CSGALNACT1: variants seen among roughly 807,000 people sequenced by gnomAD.
The protein encoded by CSGALNACT1 is beta4GalNAcT-1.
Under a neutral mutation model 51.0 loss-of-function variants are expected in CSGALNACT1, and 52 were observed. The ratio of observed to expected loss-of-function variants is 1.02; its 90% CI spans 0.82 to 1.29. The LOEUF (loss-of-function observed/expected upper bound fraction) is 1.29. Among genes scored for constraint, CSGALNACT1 ranks in the 50% most tolerant of loss-of-function variants. CSGALNACT1 has a pLI of 0.00. For synonymous variants in CSGALNACT1, 341 were observed against 254.4 expected (o/e 1.34, Z -3.24); for missense variants, 935 against 679.2 (o/e 1.38, Z -4.19).
At chr8:19,510,905 C>T (rs549475111) in intron 3 of CSGALNACT1, among the ~76,000 whole-genome samples, 76 of 152,280 alleles carry the variant, frequency 5.0e-4, no homozygotes, top group Non-Finnish European at 9.0e-4. Flanking sequence ...CAGTGCATAC[C>T]GGGATTTCTA....
chr8:19,658,747 C>A (rs891889730), intron 1 of CSGALNACT1, among the ~76,000 whole-genome samples: 175 of 151,936 alleles, frequency 1.2e-3, no homozygotes, highest in African/African-American at 3.5e-3. Context: ...ACAACAACAA[C>A]AACAAAAAAC....
chr8:19,659,079 ACC>A (rs1416155565), intron 1 of CSGALNACT1, among the ~76,000 whole-genome samples: 2 of 151,622 alleles, frequency 1.3e-5, no homozygotes, highest in Non-Finnish European at 2.9e-5. Flanking sequence ...CCCACCCACC[ACC>A]TTACATGTCT....
chr8:19,592,130 T>G (rs2047947666), intron 2 of CSGALNACT1, among the ~76,000 whole-genome samples: 1 of 152,200 alleles, frequency 6.6e-6, no homozygotes, highest in Non-Finnish European at 1.5e-5. Flanking sequence ...TGAAAATGCT[T>G]CAGGTTAAAG....
chr8:19,699,385 C>A (rs554952915), intron 1 of CSGALNACT1, among the ~76,000 whole-genome samples: 31 of 152,262 alleles, frequency 2.0e-4, no homozygotes, highest in African/African-American at 7.5e-4. Context: ...GTGGAAACAA[C>A]CCAACTGTCC....
At chr8:19,744,948 T>A (rs2064556454) in intron 1 of CSGALNACT1, among the ~76,000 whole-genome samples, 1 of 152,184 alleles carries the variant, frequency 6.6e-6, no homozygotes, top group Admixed American at 6.6e-5. Flanking sequence ...CCAAATACAA[T>A]GTAAACACAG....
chr8:19,483,530 CCT>C (rs1209309798), intron 4 of CSGALNACT1, among the ~76,000 whole-genome samples: 3 of 152,196 alleles, frequency 2.0e-5, no homozygotes, highest in Non-Finnish European at 4.4e-5. Flanking sequence ...TACTTTTGCT[CCT>C]CTCTGTCCTG....
At chr8:19,740,098 GC>G (rs2064218532) in intron 1 of CSGALNACT1, among the ~76,000 whole-genome samples, 1 of 152,144 alleles carries the variant, frequency 6.6e-6, no homozygotes, top group Admixed American at 6.5e-5. Context: ...TACCCCTGCA[GC>G]CCCTAAAATT....
At chr8:19,494,541 A>C (rs2075088381) in intron 4 of CSGALNACT1, among the ~76,000 whole-genome samples, 3 of 152,286 alleles carry the variant, frequency 2.0e-5, no homozygotes, top group South Asian at 4.1e-4. Context: ...AACTCTGTCC[A>C]TCTCCAGCAC....
intron 4 of CSGALNACT1, among the ~76,000 whole-genome samples, chr8:19,489,648 A>G (rs1339888854): frequency 6.6e-6 from 1 of 152,206 alleles, no homozygotes; most frequent in South Asian, 2.1e-4. Flanking sequence ...GAATTAATCG[A>G]CAATCACAGG....
intron 5 of CSGALNACT1, among the ~76,000 whole-genome samples, chr8:19,442,279 T>C (rs1027347637): frequency 2.6e-5 from 4 of 152,178 alleles, no homozygotes; most frequent in African/African-American, 4.8e-5. Context: ...TGTATGTTTA[T>C]TGCGGCACTA....
In CSGALNACT1 at chr8:19,429,144, T is replaced by C. The variant is rs2059271250; in HGVS notation, c.954-8626A>G. Among the ~76,000 whole-genome samples the C allele has an allele frequency of 2.6e-5, 4 of 152,174 alleles. No individual in the cohort carries two copies. In the South Asian group the frequency reaches 8.3e-4, roughly 32 times the overall value. On this transcript the variant is annotated intron_variant, in intron 6 of 9. Transcript: ENST00000454498. ...ATTTATGTATAAAGAATATTTCCTA[T>C]AAATGGGATTATACATTATCAACCT... is the stretch of plus-strand genomic sequence containing the variant.
At chr8:19,496,940 A>G (rs754947646) in intron 4 of CSGALNACT1, among the ~76,000 whole-genome samples, 40 of 152,282 alleles carry the variant, frequency 2.6e-4, no homozygotes, top group Non-Finnish European at 5.4e-4. Flanking sequence ...GGGAGGGGAC[A>G]GGAGCTCCCT....
At position 19,635,204 on chromosome 8, in the gene CSGALNACT1, G is replaced by A. The variant is rs559089782; in HGVS notation, c.-543-33339C>T. ...AGAGGGAGGGAGAAGACAGCTACCC[G>A]TCCTCTCCTGAGCCCACACTGGTGG... On this transcript the variant is annotated intron_variant, in intron 1 of 9. Transcript: ENST00000332246. 2.2e-4 allele frequency among the ~76,000 whole-genome samples: 33 copies of A among 152,270 alleles called. No individual in the cohort carries two copies. In the South Asian group the frequency reaches 3.1e-3, roughly 14 times the overall value.
At chr8:19,454,400 G>A (rs1470162480) in intron 5 of CSGALNACT1, among the ~76,000 whole-genome samples, 3 of 152,216 alleles carry the variant, frequency 2.0e-5, no homozygotes, top group East Asian at 1.9e-4. Flanking sequence ...AGCCAGGCAC[G>A]TGGCTGACGC....
chr8:19,505,757 G>T (rs769975856), exon 4 of CSGALNACT1: 4 of 1,614,138 alleles, frequency 2.5e-6, no homozygotes, highest in Non-Finnish European at 3.4e-6. Context: ...ACAGGACAGA[G>T]ATAGCACAGC....
In CSGALNACT1 at chr8:19,595,382, A is replaced by G. The variant is rs1273683247; in HGVS notation, c.-415-4104T>C. Reference sequence around the variant, plus strand: ...TACTTGGTAACCACAAAGCACATTTAAAGTCCAACACGCAGTAACAAGTCT... The same window carrying G: ...TACTTGGTAACCACAAAGCACATTTGAAGTCCAACACGCAGTAACAAGTCT... On this transcript the variant is annotated intron_variant, in intron 2 of 9. Coordinates refer to ENST00000454498, the Ensembl canonical transcript of CSGALNACT1. Among the ~76,000 whole-genome samples, 3 of 152,232 alleles carry G rather than the reference A, an allele frequency of 2.0e-5. No homozygotes were observed. The East Asian group carries it at 5.8e-4, about 29-fold the overall frequency.
At chr8:19,514,146 T>G (rs1373142008) in intron 3 of CSGALNACT1, among the ~76,000 whole-genome samples, 1 of 152,164 alleles carries the variant, frequency 6.6e-6, no homozygotes, top group African/African-American at 2.4e-5. Context: ...TTACTGTGTA[T>G]GCACTAAGAG....
chr8:19,741,259 C>T (rs2064294891), intron 1 of CSGALNACT1, among the ~76,000 whole-genome samples: 2 of 152,086 alleles, frequency 1.3e-5, no homozygotes, highest in African/African-American at 4.8e-5. Flanking sequence ...GTCTGCAAGC[C>T]CTCAGAGGTG....
intron 4 of CSGALNACT1, among the ~76,000 whole-genome samples, chr8:19,468,386 G>A (rs530970623): frequency 1.3e-5 from 2 of 152,262 alleles, no homozygotes; most frequent in South Asian, 2.1e-4. Context: ...GACGTGGAGC[G>A]GGACGAGGGG....
Sources: gnomAD v4.1 joint callset for allele counts (sites outside exome capture counted in the v4.1 genomes callset) on GRCh38, gnomAD v4.1.1 for gene constraint, MANE v1.5 for transcripts, NCBI Gene and HGNC (gene_info 2026-07-23, HGNC 2026-07-21) for gene names.